Variants in SEMA3D observed in about 807,000 individuals in gnomAD.
SEMA3D encodes semaphorin 3D, also known as semaphorin-3D.
Under a neutral mutation model 100.1 loss-of-function variants are expected in SEMA3D, and 84 were observed. The ratio of observed to expected loss-of-function variants is 0.84; its 90% confidence interval spans 0.70 to 1.01. The LOEUF (loss-of-function observed/expected upper bound fraction) is 1.01, where lower values mean the gene tolerates loss of function less well. Among genes scored for constraint, SEMA3D ranks in the 50% least tolerant of loss-of-function variants. SEMA3D has a pLI of 0.00. For missense variants in SEMA3D, 875 were observed against 934.1 expected (o/e 0.94, Z 0.82); for synonymous variants, 312 against 320.7 (o/e 0.97, Z 0.29).
chr7:85,225,144 A>T, the SEMA3D span, among the ~76,000 whole-genome samples: 38 of 137,206 alleles, frequency 2.8e-4, no homozygotes, highest in Admixed American at 9.9e-4. Flanking sequence ...TATATATATA[A>T]AATACATATA....
At chr7:85,138,379 C>G (rs1789923421) in intron 2 of SEMA3D, among the ~76,000 whole-genome samples, 1 of 151,852 alleles carries the variant, frequency 6.6e-6, no homozygotes, top group Non-Finnish European at 1.5e-5. Flanking sequence ...ACCTCTGCCT[C>G]CCCGGTTCAA....
rs183350963 is a variant in SEMA3D, at chr7:85,121,721, G to C, written c.151+20C>G. Reference sequence around the variant, plus strand: ...TTTCAAAATCTTAATAAACAATTTAGAAAATATGTATATATTTACCTTTGT... The same window carrying C: ...TTTCAAAATCTTAATAAACAATTTACAAAATATGTATATATTTACCTTTGT... On this transcript the variant is annotated intron_variant, in intron 3 of 18. Transcript: ENST00000284136. 6.6e-6 allele frequency: 9 copies of C among 1,354,536 alleles called. No homozygotes were observed. The highest frequency in any genetic ancestry group is 9.1e-6 in the Non-Finnish European group (9 of 992,686). 83.9% of individuals were successfully genotyped at this position (1,354,536 alleles called of 1,614,324 possible). A position where few individuals can be genotyped will look rare whatever the true frequency, so the allele number is the denominator to read the frequency against.
chr7:85,014,390 A>T (rs1562782986), intron 16 of SEMA3D, among the ~76,000 whole-genome samples: 1 of 151,858 alleles, frequency 6.6e-6, no homozygotes, highest in Non-Finnish European at 1.5e-5. Context: ...TTGCTATAAA[A>T]ATAATGCTGA....
At chr7:85,176,055 A>G (rs752537421) in intron 1 of SEMA3D, among the ~76,000 whole-genome samples, 1 of 151,660 alleles carries the variant, frequency 6.6e-6, no homozygotes, top group Non-Finnish European at 1.5e-5. Context: ...ATGAAGATAT[A>G]TTGATAGAAG....
At chr7:85,174,973 C>T (rs1791186794) in intron 1 of SEMA3D, among the ~76,000 whole-genome samples, 1 of 152,000 alleles carries the variant, frequency 6.6e-6, no homozygotes, top group Non-Finnish European at 1.5e-5. Flanking sequence ...TCAAAGCACA[C>T]ATATACTTCA....
the SEMA3D span, among the ~76,000 whole-genome samples, chr7:85,204,395 C>T: frequency 1.3e-5 from 2 of 150,026 alleles, no homozygotes; most frequent in South Asian, 4.2e-4. Flanking sequence ...AATAGCCTTC[C>T]AATGTCATTT....
the SEMA3D span, among the ~76,000 whole-genome samples, chr7:85,224,520 G>A: frequency 6.6e-6 from 1 of 152,176 alleles, no homozygotes; most frequent in South Asian, 2.1e-4. Context: ...GGTAAAAAAA[G>A]TGAGGTCAAA....
intron 8 of SEMA3D, among the ~76,000 whole-genome samples, chr7:85,056,107 A>G (rs1242494449): frequency 6.6e-6 from 1 of 152,030 alleles, no homozygotes; most frequent in Non-Finnish European, 1.5e-5. Flanking sequence ...ACTAGACTAA[A>G]TTGCTTGTAG....
the SEMA3D span, among the ~76,000 whole-genome samples, chr7:85,216,389 GAA>G: frequency 6.6e-6 from 1 of 150,556 alleles, no homozygotes; most frequent in Admixed American, 6.6e-5. Context: ...GTGTGTGTGT[GAA>G]AAAATCATTG....
intron 2 of SEMA3D, chr7:85,140,894 TC>T: frequency 1.5e-6 from 1 of 676,878 alleles, no homozygotes; most frequent in Non-Finnish European, 1.8e-6. Flanking sequence ...AACACCATCT[TC>T]CTATCAACAC....
intron 1 of SEMA3D, among the ~76,000 whole-genome samples, chr7:85,180,853 C>T (rs143500062): frequency 1.2e-3 from 180 of 152,190 alleles, no homozygotes; most frequent in African/African-American, 3.8e-3. Context: ...ACTTTCCTTG[C>T]TTATTTTGAG....
intron 9 of SEMA3D, among the ~76,000 whole-genome samples, chr7:85,046,186 T>G (rs929214999): frequency 1.3e-5 from 2 of 151,940 alleles, no homozygotes; most frequent in Non-Finnish European, 2.9e-5. Context: ...ATATACAGTA[T>G]TCATAAAAAT....
chr7:85,081,669 T>A lies in SEMA3D; in HGVS notation c.313-90A>T. 3 of 847,020 alleles carry A rather than the reference T, an allele frequency of 3.5e-6. No individual in the cohort carries two copies. The South Asian group carries it at 4.3e-5, about 12-fold the overall frequency. The allele number at this position is 847,020 out of a possible 1,614,324, so 52.5% of individuals were successfully genotyped here. A position where few individuals can be genotyped will look rare whatever the true frequency, so the allele number is the denominator to read the frequency against. ...TGCTCAGAGAGTGAATGTGTGAAAT[T>A]GAAGAATGAGTATTAAGCATGTTGT... is the stretch of plus-strand genomic sequence containing the variant. On this transcript the variant is annotated intron_variant, in intron 4 of 18. Transcript: ENST00000284136.
At chr7:85,077,885 A>T (rs1452456050) in intron 5 of SEMA3D, among the ~76,000 whole-genome samples, 1 of 152,134 alleles carries the variant, frequency 6.6e-6, no homozygotes, top group Non-Finnish European at 1.5e-5. Context: ...TTTACATAAA[A>T]TTTTTTCATG....
chr7:85,242,774 A>G, the SEMA3D span, among the ~76,000 whole-genome samples: 1 of 152,152 alleles, frequency 6.6e-6, no homozygotes, highest in African/African-American at 2.4e-5. Flanking sequence ...TAACCAAATT[A>G]TCATTATGTA....
At chr7:85,194,269 A>G in the SEMA3D span, among the ~76,000 whole-genome samples, 1 of 152,114 alleles carries the variant, frequency 6.6e-6, no homozygotes, top group Non-Finnish European at 1.5e-5. Context: ...AGGAGATAGC[A>G]TTGCTTGTTT....
chr7:85,193,934 T>C, the SEMA3D span, among the ~76,000 whole-genome samples: 1 of 150,836 alleles, frequency 6.6e-6, no homozygotes, highest in Non-Finnish European at 1.5e-5. Flanking sequence ...GAGTCAGATA[T>C]GGCAGGAATG....
intron 3 of SEMA3D, among the ~76,000 whole-genome samples, chr7:85,103,792 C>T (rs1017169506): frequency 3.9e-5 from 6 of 152,042 alleles, no homozygotes; most frequent in Non-Finnish European, 7.4e-5. Flanking sequence ...AGCAAGGACA[C>T]GATTTTTTAT....
rs933648802 is a variant in SEMA3D at position 85,151,567 on chromosome 7, C to T, written c.-41+2041G>A. 28 of 882,686 alleles carry T rather than the reference C, an allele frequency of 3.2e-5. No homozygotes were observed. In the African/African-American group the frequency reaches 4.6e-4, roughly 15 times the overall value. The allele number at this position is 882,686 out of a possible 1,614,324, so 54.7% of individuals were successfully genotyped here. On this transcript the variant is annotated intron_variant, in intron 2 of 18. Coordinates refer to ENST00000284136, the MANE Select transcript of SEMA3D (RefSeq NM_001384900.1). ...TTCTATGCTGGTTAAAATAGAGCACCGTAGTTGATGTGTGTATGCATGTGT... is the reference window on the plus strand; with the variant it reads ...TTCTATGCTGGTTAAAATAGAGCACTGTAGTTGATGTGTGTATGCATGTGT...
Sources: gnomAD v4.1 joint callset for allele counts (sites outside exome capture counted in the v4.1 genomes callset) on GRCh38, gnomAD v4.1.1 for gene constraint, MANE v1.5 for transcripts, NCBI Gene and HGNC (gene_info 2026-07-23, HGNC 2026-07-21) for gene names.